The following HEPHL1 variants were observed in gnomAD, a reference collection of about 807,000 sequenced individuals.
HEPHL1 encodes the protein ferroxidase HEPHL1.
In HEPHL1, 123 loss-of-function variants were observed where a neutral mutation model predicts 122.0. The ratio of observed to expected loss-of-function variants is 1.01; its 90% CI spans 0.87 to 1.17. HEPHL1 has a LOEUF of 1.17. Ranked by LOEUF, HEPHL1 falls within the 50% of genes most tolerant of loss-of-function variation. HEPHL1 has a pLI of 0.00. For missense variants in HEPHL1, 1,452 were observed against 1,430.5 expected (o/e 1.01, Z -0.24); for synonymous variants, 527 against 508.9 (o/e 1.04, Z -0.48).
intron 1 of HEPHL1, among the ~76,000 whole-genome samples, chr11:94,045,080 T>C (rs1945821886): frequency 6.6e-6 from 1 of 152,172 alleles, no homozygotes; most frequent in African/African-American, 2.4e-5. Context: ...CTTTTTTGTT[T>C]GTTTGTTTGC....
chr11:94,106,218 A>C (rs1946407451), intron 17 of HEPHL1, 88 bp downstream of exon 17: 1 of 1,042,338 alleles, frequency 9.6e-7, no homozygotes, highest in East Asian at 2.4e-5. Context: ...TTACTTGGCA[A>C]TAATGCTTGT....
At chr11:94,083,529 G>A (rs72968738) in intron 10 of HEPHL1, among the ~76,000 whole-genome samples, 16,840 of 152,224 alleles carry the variant, frequency 0.11, 971 homozygotes, top group Admixed American at 0.14. Context: ...AGCAAGTAAC[G>A]TAAGACAACA....
At chr11:94,095,734 T>G (rs1946306005) in intron 13 of HEPHL1, among the ~76,000 whole-genome samples, 3 of 152,224 alleles carry the variant, frequency 2.0e-5, no homozygotes, top group Admixed American at 2.0e-4. Flanking sequence ...GAAGAGGTCC[T>G]TCACATCCCT....
chr11:94,042,606 T>G (rs1042545736), intron 1 of HEPHL1, among the ~76,000 whole-genome samples: 1 of 151,092 alleles, frequency 6.6e-6, no homozygotes, highest in Admixed American at 6.6e-5. Context: ...ACCATCATTC[T>G]CAGTAAACTA....
At chr11:94,031,101 G>A (rs930995292) in intron 1 of HEPHL1, among the ~76,000 whole-genome samples, 28 of 152,212 alleles carry the variant, frequency 1.8e-4, no homozygotes, top group Non-Finnish European at 3.4e-4. Context: ...CAAACAGCAT[G>A]GGTCTTCTTT....
chr11:94,026,898 G>A (rs1225642282), intron 1 of HEPHL1, among the ~76,000 whole-genome samples: 1 of 152,216 alleles, frequency 6.6e-6, no homozygotes, highest in Non-Finnish European at 1.5e-5. Context: ...AATAGGGATA[G>A]TGACAGTACT....
intron 6 of HEPHL1, among the ~76,000 whole-genome samples, chr11:94,071,482 GAAT>G (rs747286484): frequency 1.2e-3 from 184 of 152,184 alleles, no homozygotes; most frequent in Non-Finnish European, 2.2e-3. Flanking sequence ...TCCATAAACA[GAAT>G]AATGAGAATT....
chr11:94,084,182 G>A (rs903800214), intron 10 of HEPHL1, among the ~76,000 whole-genome samples: 3 of 151,644 alleles, frequency 2.0e-5, no homozygotes, highest in African/African-American at 7.3e-5. Context: ...AAATTAGCCA[G>A]GTATGGTGGT....
At chr11:94,031,919 C>A (rs1266485454) in intron 1 of HEPHL1, among the ~76,000 whole-genome samples, 2 of 152,298 alleles carry the variant, frequency 1.3e-5, no homozygotes, top group Middle Eastern at 3.4e-3. Flanking sequence ...TGGTGATGGC[C>A]ATTCTTACCT....
intron 2 of HEPHL1, chr11:94,055,878 G>A (rs1268145222): frequency 3.0e-6 from 2 of 663,808 alleles, no homozygotes; most frequent in Non-Finnish European, 5.2e-6. Flanking sequence ...TCTGTGCTCA[G>A]CATCCACATA....
In HEPHL1 at chr11:94,058,473, G is replaced by A. The variant is rs562256034; in HGVS notation, c.416-5035G>A. 7.2e-5 allele frequency among the ~76,000 whole-genome samples: 11 copies of A among 152,218 alleles called. No individual in the cohort carries two copies. The East Asian group carries it at 1.7e-3, about 24-fold the overall frequency. On this transcript the variant is annotated intron_variant, in intron 2 of 19. Coordinates refer to ENST00000315765, the MANE Select transcript of HEPHL1 (RefSeq NM_001098672.2). ...ACACAATACTGGGTTGCAAAGAAGA[G>A]TAAATATACAGTTGTTGCTTCCAAA...
intron 13 of HEPHL1, among the ~76,000 whole-genome samples, chr11:94,099,375 C>G (rs992852509): frequency 1.3e-5 from 2 of 152,190 alleles, no homozygotes; most frequent in African/African-American, 4.8e-5. Flanking sequence ...CTTCTGGAAG[C>G]TTCATCTCAG....
At chr11:94,110,189 A>G (rs540761370) in intron 17 of HEPHL1, among the ~76,000 whole-genome samples, 1 of 152,272 alleles carries the variant, frequency 6.6e-6, no homozygotes, top group East Asian at 1.9e-4. Context: ...AGTATTTTTA[A>G]TGTGTCCTTT....
chr11:94,035,520 T>C (rs1451648879), intron 1 of HEPHL1, among the ~76,000 whole-genome samples: 2 of 152,130 alleles, frequency 1.3e-5, no homozygotes, highest in African/African-American at 4.8e-5. Flanking sequence ...ATACTTTAAG[T>C]TCTAGGGTTC....
intron 12 of HEPHL1, among the ~76,000 whole-genome samples, chr11:94,092,709 A>C (rs1946271704): frequency 6.6e-6 from 1 of 152,086 alleles, no homozygotes; most frequent in East Asian, 1.9e-4. Flanking sequence ...TGTTGAGCTC[A>C]GTGTTAATGA....
chr11:94,066,630 T>C (rs1472326094), intron 4 of HEPHL1, among the ~76,000 whole-genome samples: 1 of 152,176 alleles, frequency 6.6e-6, no homozygotes, highest in African/African-American at 2.4e-5. Flanking sequence ...TAAAAAAATC[T>C]AGACTATGGA....
chr11:94,096,931 G>A (rs946016553), intron 13 of HEPHL1, among the ~76,000 whole-genome samples: 2 of 151,866 alleles, frequency 1.3e-5, no homozygotes, highest in African/African-American at 4.8e-5. Context: ...TAGTCTTGCT[G>A]GCAGTCTGTC....
intron 1 of HEPHL1, among the ~76,000 whole-genome samples, chr11:94,038,266 G>A (rs1412947737): frequency 2.7e-5 from 4 of 148,208 alleles, no homozygotes; most frequent in African/African-American, 1.0e-4. Context: ...AAAGTGATGG[G>A]GAGAATGGAA....
At chr11:94,067,861 A>C in intron 5 of HEPHL1, 111 bp downstream of exon 5, 1 of 840,362 alleles carries the variant, frequency 1.2e-6, no homozygotes, top group Admixed American at 2.7e-5. Context: ...TATGTACTAT[A>C]TTTAATTAGG....
Sources: allele counts gnomAD v4.1 joint callset (sites outside exome capture counted in the v4.1 genomes callset), GRCh38; gene constraint gnomAD v4.1.1; transcripts MANE v1.5; gene names NCBI Gene and HGNC (gene_info 2026-07-23, HGNC 2026-07-21).